Variants in LEMD3 observed in about 807,000 individuals in gnomAD.
LEMD3 encodes the protein LEM domain containing 3.
In LEMD3, 33 loss-of-function variants were observed where a neutral mutation model predicts 95.2. The ratio of observed to expected loss-of-function variants is 0.35; its 90% CI spans 0.26 to 0.46. The LOEUF (loss-of-function observed/expected upper bound fraction) is 0.46. Among genes scored for constraint, LEMD3 ranks in the 20% least tolerant of loss-of-function variants. LEMD3 has a pLI of 1.00. For synonymous variants in LEMD3, 525 were observed against 474.6 expected (o/e 1.11, Z -1.38); for missense variants, 1,210 against 1,192.8 (o/e 1.01, Z -0.21).
chr12:65,214,034 A>G (rs1163447571), intron 2 of LEMD3, among the ~76,000 whole-genome samples: 1 of 152,190 alleles, frequency 6.6e-6, no homozygotes, highest in African/African-American at 2.4e-5. Context: ...ATGTATCACA[A>G]ATGCTTAGGT....
At chr12:65,236,550 CA>C (rs35191700) in intron 4 of LEMD3, among the ~76,000 whole-genome samples, 100,660 of 143,494 alleles carry the variant, frequency 0.7, 35,011 homozygotes, top group East Asian at 0.93. Context: ...GACTCTGTCT[CA>C]AAAAAAAAAA....
chr12:65,216,021 T>C lies in LEMD3; in HGVS notation c.1605T>C (p.His535=). The change falls in exon 3 of 13, where the codon CAT becomes CAC. Residue 535 remains histidine (H), a synonymous_variant. Transcript: ENST00000308330. ...TLMMNTLYKL[H]DRLAQLAGDH... is the part of the protein sequence containing the mutation. ...TGATGAACACATTATATAAGCTTCATGATCGATTGGCACAGCTTGCAGGTA... is the reference window on the plus strand; with the variant it reads ...TGATGAACACATTATATAAGCTTCACGATCGATTGGCACAGCTTGCAGGTA... The C allele has an allele frequency of 6.3e-7, 1 of 1,594,508 alleles. No homozygotes were observed. The highest frequency in any genetic ancestry group is 8.6e-7 in the Non-Finnish European group (1 of 1,165,386).
chr12:65,239,612 A>G lies in LEMD3; in HGVS notation c.1922-317A>G, dbSNP rs12310814. On this transcript the variant is annotated intron_variant, in intron 6 of 12. Transcript: ENST00000308330. ...AGTAAGATTTAGTATGTTTAATCTCATGAGGTTCACTTTTCTAGTCGTTTT... is the reference window on the plus strand; with the variant it reads ...AGTAAGATTTAGTATGTTTAATCTCGTGAGGTTCACTTTTCTAGTCGTTTT... Among the ~76,000 whole-genome samples the G allele has an allele frequency of 0.038, 5,713 of 152,240 alleles. 354 individuals are homozygous for G. Among genetic ancestry groups the G allele is most frequent in the African/African-American group, 0.13 (5,481 of 41,516 alleles).
intron 4 of LEMD3, among the ~76,000 whole-genome samples, chr12:65,227,620 G>C (rs756354666): frequency 7.2e-5 from 11 of 151,994 alleles, no homozygotes; most frequent in Non-Finnish European, 1.5e-4. Context: ...TATGTAAATA[G>C]TTATTATTAT....
At chr12:65,185,446 A>G (rs920980831) in intron 1 of LEMD3, among the ~76,000 whole-genome samples, 4 of 152,092 alleles carry the variant, frequency 2.6e-5, no homozygotes, top group African/African-American at 9.7e-5. Context: ...GACCTAATAA[A>G]TAATTTGCCT....
At chr12:65,240,878 T>C (rs753205486) in intron 8 of LEMD3, 31 bp from the exon 9 acceptor site, 5 of 1,593,240 alleles carry the variant, frequency 3.1e-6, no homozygotes, top group South Asian at 1.1e-5. Flanking sequence ...GCCAAGATGA[T>C]AGTAAATTTG....
Position 65,170,107 on chromosome 12 carries a change from A to G in LEMD3, c.511A>G (p.Lys171Glu). The part of the protein sequence containing the change: ...DRASLQYRGL[K>E]APPAPLAASE... ...GGCTTCGCTCCAGTACCGCGGGCTC[A>G]AAGCGCCGCCGGCGCCCCTGGCCGC... The change falls in exon 1 of 13, where the codon AAA (lysine) becomes GAA (glutamate). Residue 171 changes from lysine (K) to glutamate (E), a missense_variant. Lys to Glu is a moderately conservative substitution (Grantham distance 56). This residue lies in a region of LEMD3 where 749 missense variants were observed against 622.9 expected (regional missense o/e 1.20). Transcript: ENST00000308330. The G allele has an allele frequency of 1.4e-6, 2 of 1,461,578 alleles. No individual in the cohort carries two copies. The highest frequency in any genetic ancestry group is 1.4e-5 in the South Asian group (1 of 70,900). 90.5% of individuals were successfully genotyped at this position (1,461,578 alleles called of 1,614,324 possible).
chr12:65,210,980 A>T lies in LEMD3; in HGVS notation c.1560+17A>T. On this transcript the variant is annotated intron_variant, in intron 2 of 12. Coordinates refer to ENST00000308330, the MANE Select transcript of LEMD3 (RefSeq NM_014319.5). ...AAAATACAAGTAAGTAAACGATCATAATACTGATAATTTTGTGTCATGTTT... is the reference window on the plus strand; with the variant it reads ...AAAATACAAGTAAGTAAACGATCATTATACTGATAATTTTGTGTCATGTTT... 6.5e-7 allele frequency: 1 copy of T among 1,538,104 alleles called. No individual in the cohort carries two copies.
chr12:65,209,110 T>C lies in LEMD3; in HGVS notation c.1523-1816T>C, dbSNP rs530531253. ...CAACAAGCATTTTTCAAGCACTAAC[T>C]ATATATCTAGTACTATGCTTGGTTC... On this transcript the variant is annotated intron_variant, in intron 1 of 12. Transcript: ENST00000308330. Among the ~76,000 whole-genome samples, 7 of 152,264 alleles carry C rather than the reference T, an allele frequency of 4.6e-5. No individual in the cohort carries two copies. The East Asian group carries it at 7.7e-4, about 17-fold the overall frequency.
intron 1 of LEMD3, among the ~76,000 whole-genome samples, chr12:65,185,200 C>T (rs2136321364): frequency 6.6e-6 from 1 of 152,174 alleles, no homozygotes; most frequent in East Asian, 1.9e-4. Flanking sequence ...GAGCTCTGTT[C>T]ATAAAAATTG....
At chr12:65,197,412 A>G (rs980413329) in intron 1 of LEMD3, among the ~76,000 whole-genome samples, 2 of 152,162 alleles carry the variant, frequency 1.3e-5, no homozygotes, top group Non-Finnish European at 2.9e-5. Flanking sequence ...AGAATCTGAT[A>G]TGACTACAGT....
At chr12:65,215,294 C>G (rs1870073584) in intron 2 of LEMD3, among the ~76,000 whole-genome samples, 1 of 152,096 alleles carries the variant, frequency 6.6e-6, no homozygotes, top group African/African-American at 2.4e-5. Context: ...ATTCTGTTCC[C>G]TCCTTCCCTC....
chr12:65,216,077 GT>G, intron 3 of LEMD3, 34 bp downstream of exon 3: 1 of 1,361,198 alleles, frequency 7.3e-7, no homozygotes, highest in Middle Eastern at 1.8e-4. Context: ...TGCTAAAAAT[GT>G]TTTGAAAAAT....
At chr12:65,189,254 G>A (rs2136323402) in intron 1 of LEMD3, among the ~76,000 whole-genome samples, 1 of 152,250 alleles carries the variant, frequency 6.6e-6, no homozygotes, top group African/African-American at 2.4e-5. Flanking sequence ...GCCATAAGGA[G>A]GGAGGAGGGA....
chr12:65,246,189 G>A lies in LEMD3; in HGVS notation c.2600G>A (p.Arg867Gln), dbSNP rs1565802230. Residue 867 changes from arginine (R) to glutamine (Q), a missense_variant, in exon 13 of 13, where the codon CGA (arginine) becomes CAA (glutamine). Physicochemically the swap from Arg to Gln is conservative, Grantham distance 43. Coordinates refer to ENST00000308330, the MANE Select transcript of LEMD3 (RefSeq NM_014319.5). ...AAATTGGTTACAGTAAAATATTTAC[G>A]ACTAGATAGATACCACCATCGCTTT... is the stretch of plus-strand genomic sequence containing the variant. Reference protein sequence around the residue: ...DGKLVTVKYLRLDRYHHRFPQ... With the variant: ...DGKLVTVKYLQLDRYHHRFPQ... 19 of 1,611,430 alleles carry A rather than the reference G, an allele frequency of 1.2e-5. No individual in the cohort carries two copies. Among genetic ancestry groups the A allele is most frequent in the Non-Finnish European group, 1.4e-5 (17 of 1,178,274 alleles).
chr12:65,193,732 C>CTGTT (rs1555193004), intron 1 of LEMD3, among the ~76,000 whole-genome samples: 1 of 129,356 alleles, frequency 7.7e-6, no homozygotes, highest in African/African-American at 3.1e-5. Flanking sequence ...ACATAACTGG[C>CTGTT]TGTGTGTGTG....
At chr12:65,189,524 A>AC (rs1869172606) in intron 1 of LEMD3, among the ~76,000 whole-genome samples, 1 of 152,134 alleles carries the variant, frequency 6.6e-6, no homozygotes, top group African/African-American at 2.4e-5. Flanking sequence ...GTTGCCCAGT[A>AC]CCCGCCTGTA....
chr12:65,223,595 CT>C (rs1336891630), intron 4 of LEMD3, among the ~76,000 whole-genome samples: 2 of 151,854 alleles, frequency 1.3e-5, no homozygotes, highest in Non-Finnish European at 2.9e-5. Context: ...CTTTTTCCAT[CT>C]TTTGGCTGTC....
At chr12:65,203,117 G>A (rs954427148) in intron 1 of LEMD3, among the ~76,000 whole-genome samples, 1 of 151,928 alleles carries the variant, frequency 6.6e-6, no homozygotes, top group African/African-American at 2.4e-5. Flanking sequence ...ATTTTCCAAG[G>A]TGGAAGCTTA....
Sources: allele counts gnomAD v4.1 joint callset (sites outside exome capture counted in the v4.1 genomes callset), GRCh38; gene constraint gnomAD v4.1.1; regional missense constraint gnomAD v4.1.1; transcripts MANE v1.5; gene names NCBI Gene and HGNC (gene_info 2026-07-23, HGNC 2026-07-21).